Variants in TNPO1 observed in about 807,000 individuals in gnomAD.
TNPO1 encodes the protein transportin-1.
In TNPO1, 8 loss-of-function variants were observed where a neutral mutation model predicts 119.5. That is an observed-to-expected ratio of 0.07 (90% CI 0.04 to 0.12). TNPO1 has a LOEUF of 0.12. Ranked by LOEUF, TNPO1 falls within the 10% of genes least tolerant of loss-of-function variation. TNPO1 has a pLI of 1.00. For synonymous variants in TNPO1, 362 were observed against 363.0 expected, an observed-to-expected ratio of 1.00 and a Z score of 0.03; for missense variants, 576 against 1,089.8, an observed-to-expected ratio of 0.53 and a Z score of 6.64.
Position 72,911,541 on chromosome 5 carries a change from G to A in TNPO1, c.*2868G>A, listed in dbSNP as rs1373100817. On this transcript the variant is annotated 3_prime_UTR_variant, in exon 25 of 25. Coordinates refer to ENST00000337273, the MANE Select transcript of TNPO1 (RefSeq NM_002270.4). ...TAAGCTCTGATTTAGCATTTATTCTGATAAAATCTAATACATCATGGGATA... is the reference window on the plus strand; with the variant it reads ...TAAGCTCTGATTTAGCATTTATTCTAATAAAATCTAATACATCATGGGATA... The A allele has an allele frequency of 6.6e-6, 1 of 152,444 alleles. No homozygotes were observed. Among genetic ancestry groups the A allele is most frequent in the Non-Finnish European group, 1.5e-5 (1 of 67,916 alleles). 9.4% of individuals were successfully genotyped at this position (152,444 alleles called of 1,614,324 possible).
At chr5:72,834,714 ATTG>A (rs1215500167) in intron 1 of TNPO1, among the ~76,000 whole-genome samples, 2 of 152,154 alleles carry the variant, frequency 1.3e-5, no homozygotes, top group Non-Finnish European at 2.9e-5. Flanking sequence ...GAAGAAAGAA[ATTG>A]TTGTTTAAGT....
intron 14 of TNPO1, among the ~76,000 whole-genome samples, chr5:72,891,186 T>G (rs62360681): frequency 0.82 from 124,574 of 151,706 alleles, 51,414 homozygotes; most frequent in Non-Finnish European, 0.86. Flanking sequence ...AAAACTTAGG[T>G]CTGGGCACAG....
chr5:72,907,144 G>C (rs892296974), intron 24 of TNPO1, among the ~76,000 whole-genome samples: 1 of 152,126 alleles, frequency 6.6e-6, no homozygotes, highest in Non-Finnish European at 1.5e-5. Flanking sequence ...CTTCAGTCTT[G>C]AGTCCTCAAG....
intron 3 of TNPO1, among the ~76,000 whole-genome samples, chr5:72,852,881 A>G (rs1745687410): frequency 6.6e-6 from 1 of 152,184 alleles, no homozygotes. Flanking sequence ...CTAGTTTGAT[A>G]TTTGCGATAC....
intron 11 of TNPO1, 50 bp downstream of exon 11, chr5:72,883,282 T>C (rs985449703): frequency 4.7e-6 from 4 of 845,846 alleles, no homozygotes; most frequent in African/African-American, 3.3e-5. Flanking sequence ...GATAACTTTA[T>C]TGGGGTATAA....
intron 18 of TNPO1, among the ~76,000 whole-genome samples, chr5:72,894,573 A>G (rs970140456): frequency 6.6e-6 from 1 of 152,206 alleles, no homozygotes; most frequent in Non-Finnish European, 1.5e-5. Flanking sequence ...TGGGAAACTG[A>G]GGCAGGAAAA....
rs1307768651 is a variant in TNPO1, at chr5:72,851,217, A to C, written c.130-27A>C. The C allele has an allele frequency of 2.2e-6, 3 of 1,352,340 alleles. No individual in the cohort carries two copies. In the African/African-American group the frequency reaches 4.3e-5, roughly 20 times the overall value. The allele number at this position is 1,352,340 out of a possible 1,614,324, so 83.8% of individuals were successfully genotyped here. A position where few individuals can be genotyped will look rare whatever the true frequency, so the allele number is the denominator to read the frequency against. ...ATTTCTTCCTGAGATTACACAGAGAAGTTTCCTTAACTACTGTTTGTTCTA... is the reference window on the plus strand; with the variant it reads ...ATTTCTTCCTGAGATTACACAGAGACGTTTCCTTAACTACTGTTTGTTCTA... On this transcript the variant is annotated intron_variant, in intron 2 of 24. Transcript: ENST00000337273.
chr5:72,831,861 C>T (rs935527294), intron 1 of TNPO1, among the ~76,000 whole-genome samples: 1 of 151,986 alleles, frequency 6.6e-6, no homozygotes, highest in African/African-American at 2.4e-5. Context: ...GTAACTAAAA[C>T]GTAACCGTTC....
chr5:72,907,804 G>A (rs530937416), intron 24 of TNPO1, among the ~76,000 whole-genome samples: 1 of 152,238 alleles, frequency 6.6e-6, no homozygotes, highest in South Asian at 2.1e-4. Flanking sequence ...AGCATTTTGG[G>A]AGGCTGAGGT....
At chr5:72,898,831 T>C (rs187068913) in intron 20 of TNPO1, among the ~76,000 whole-genome samples, 1 of 152,326 alleles carries the variant, frequency 6.6e-6, no homozygotes, top group East Asian at 1.9e-4. Flanking sequence ...TGCTGGATTT[T>C]AGTATTATCT....
chr5:72,830,730 G>T (rs574110633), intron 1 of TNPO1, among the ~76,000 whole-genome samples: 1 of 152,078 alleles, frequency 6.6e-6, no homozygotes, highest in Non-Finnish European at 1.5e-5. Flanking sequence ...TTAAATTGAG[G>T]TATCGTTTCA....
At chr5:72,833,978 A>G (rs986599107) in intron 1 of TNPO1, among the ~76,000 whole-genome samples, 1 of 152,086 alleles carries the variant, frequency 6.6e-6, no homozygotes, top group Non-Finnish European at 1.5e-5. Context: ...ATCCCTTTGC[A>G]TAATATGAGG....
intron 8 of TNPO1, 73 bp from the exon 9 acceptor site, chr5:72,877,155 T>G: frequency 1.3e-6 from 1 of 763,168 alleles, no homozygotes; most frequent in Non-Finnish European, 2.1e-6. Flanking sequence ...AAAGCTTGCT[T>G]GATAATAGGA....
intron 11 of TNPO1, among the ~76,000 whole-genome samples, chr5:72,884,587 A>G (rs559955496): frequency 2.6e-5 from 4 of 152,286 alleles, no homozygotes; most frequent in Admixed American, 6.5e-5. Flanking sequence ...GCTGCAAATC[A>G]TATCACCTGT....
chr5:72,894,265 T>C (rs1408848213), intron 18 of TNPO1, among the ~76,000 whole-genome samples: 1 of 152,032 alleles, frequency 6.6e-6, no homozygotes, highest in Non-Finnish European at 1.5e-5. Context: ...TCTGTGACAA[T>C]GATAAGAAAT....
chr5:72,826,524 T>G (rs1744211475), intron 1 of TNPO1, among the ~76,000 whole-genome samples: 1 of 152,148 alleles, frequency 6.6e-6, no homozygotes, highest in African/African-American at 2.4e-5. Context: ...GATCTTTGTT[T>G]TATTTTTTGC....
At chr5:72,818,477 A>T (rs1338736375) in intron 1 of TNPO1, among the ~76,000 whole-genome samples, 1 of 152,264 alleles carries the variant, frequency 6.6e-6, no homozygotes, top group African/African-American at 2.4e-5. Context: ...ATTGAAATGT[A>T]AACATCTGTA....
At chr5:72,876,039 A>G (rs540836421) in intron 8 of TNPO1, among the ~76,000 whole-genome samples, 2 of 152,308 alleles carry the variant, frequency 1.3e-5, no homozygotes, top group East Asian at 1.9e-4. Flanking sequence ...AAAGGCTAGC[A>G]TTCGTGGTAT....
chr5:72,872,364 C>T (rs759282954), intron 6 of TNPO1, among the ~76,000 whole-genome samples: 1 of 152,116 alleles, frequency 6.6e-6, no homozygotes, highest in Admixed American at 6.6e-5. Context: ...CCCCAACCTC[C>T]ACTCTTTATG....
Sources: gnomAD v4.1 joint callset for allele counts (sites outside exome capture counted in the v4.1 genomes callset) on GRCh38, gnomAD v4.1.1 for gene constraint, MANE v1.5 for transcripts, NCBI Gene and HGNC (gene_info 2026-07-23, HGNC 2026-07-21) for gene names.